Variants in PLXDC2 observed in about 807,000 individuals in gnomAD.
The protein encoded by PLXDC2 is plexin domain-containing protein 2.
In PLXDC2, 40 loss-of-function variants were observed where a neutral mutation model predicts 68.9. The observed-to-expected ratio is 0.58, with a 90% CI of 0.45 to 0.76. The LOEUF is 0.76. PLXDC2 is among the 30% of genes least tolerant of loss of function. PLXDC2 has a pLI of 0.00. For synonymous variants in PLXDC2, 243 were observed against 234.2 expected (o/e 1.04, Z -0.34); for missense variants, 644 against 661.9 (o/e 0.97, Z 0.30).
Position 20,283,444 on chromosome 10 carries a change from C to G in PLXDC2, c.*3625C>G, listed in dbSNP as rs1467395505. 6.6e-6 allele frequency: 1 copy of G among 152,306 alleles called. No individual in the cohort carries two copies. The highest frequency in any genetic ancestry group is 1.5e-5 in the Non-Finnish European group (1 of 68,016). 9.4% of individuals were successfully genotyped at this position (152,306 alleles called of 1,614,324 possible). ...TTGGTCGAGTACCAGCACAAATTTG[C>G]ATTCAAAGGAAGAATAGTTCATCAG... On this transcript the variant is annotated 3_prime_UTR_variant, in exon 14 of 14. Transcript: ENST00000377252.
intron 1 of PLXDC2, among the ~76,000 whole-genome samples, chr10:19,969,410 C>A (rs75765576): frequency 6.6e-6 from 1 of 152,196 alleles, no homozygotes; most frequent in Admixed American, 6.5e-5. Flanking sequence ...CCACCAACCT[C>A]CCCCTCCCCA....
chr10:19,990,580 T>G (rs1430436027), intron 1 of PLXDC2, among the ~76,000 whole-genome samples: 1 of 152,232 alleles, frequency 6.6e-6, no homozygotes, highest in Non-Finnish European at 1.5e-5. Flanking sequence ...TCTATCTCAT[T>G]TTAGTGCTTA....
intron 2 of PLXDC2, among the ~76,000 whole-genome samples, chr10:20,007,108 T>G (rs1208249255): frequency 6.6e-6 from 1 of 152,344 alleles, no homozygotes; most frequent in East Asian, 1.9e-4. Flanking sequence ...TTGGATTCCA[T>G]TCATGATTTG....
intron 3 of PLXDC2, 21 bp downstream of exon 3, chr10:20,047,036 G>C: frequency 1.3e-6 from 2 of 1,555,064 alleles, no homozygotes; most frequent in Non-Finnish European, 1.7e-6. Context: ...GGACATTCAG[G>C]GTTCATTTTA....
intron 1 of PLXDC2, among the ~76,000 whole-genome samples, chr10:19,836,392 G>T (rs908191516): frequency 6.6e-6 from 1 of 152,152 alleles, no homozygotes; most frequent in Non-Finnish European, 1.5e-5. Flanking sequence ...CAACAAAAAT[G>T]ATCACAGCCT....
chr10:19,822,116 A>G (rs1198219393), intron 1 of PLXDC2, among the ~76,000 whole-genome samples: 5 of 151,288 alleles, frequency 3.3e-5, no homozygotes, highest in African/African-American at 9.7e-5. Context: ...TTAAAGCTAA[A>G]TAATATTCCA....
intron 1 of PLXDC2, among the ~76,000 whole-genome samples, chr10:19,820,493 G>T (rs1457937213): frequency 6.6e-6 from 1 of 152,004 alleles, no homozygotes; most frequent in Non-Finnish European, 1.5e-5. Flanking sequence ...AATTAGCCGG[G>T]CGCGGTGGCG....
At chr10:19,839,845 T>G (rs1387868864) in intron 1 of PLXDC2, among the ~76,000 whole-genome samples, 1 of 152,206 alleles carries the variant, frequency 6.6e-6, no homozygotes. Context: ...ACATATGTAT[T>G]AACATCTTAT....
intron 1 of PLXDC2, among the ~76,000 whole-genome samples, chr10:19,992,402 C>T (rs958640025): frequency 1.3e-5 from 2 of 152,250 alleles, no homozygotes; most frequent in South Asian, 4.1e-4. Flanking sequence ...TCATTAAATG[C>T]TCTTTTCCTA....
At chr10:19,951,516 G>C (rs1236124267) in intron 1 of PLXDC2, among the ~76,000 whole-genome samples, 4 of 152,212 alleles carry the variant, frequency 2.6e-5, no homozygotes, top group Non-Finnish European at 5.9e-5. Flanking sequence ...TCGTGGCAAG[G>C]CTGTGGAGAA....
chr10:20,227,986 G>A (rs1030882220), intron 12 of PLXDC2, among the ~76,000 whole-genome samples: 1 of 152,120 alleles, frequency 6.6e-6, no homozygotes, highest in African/African-American at 2.4e-5. Context: ...TTACGTCATA[G>A]GAAAGTGACG....
intron 12 of PLXDC2, among the ~76,000 whole-genome samples, chr10:20,222,080 C>T (rs1156599207): frequency 2.6e-5 from 4 of 152,088 alleles, no homozygotes; most frequent in Non-Finnish European, 5.9e-5. Context: ...ATTGGCTGTT[C>T]TTAAAAGCAT....
At chr10:19,939,858 G>A (rs1052164122) in intron 1 of PLXDC2, among the ~76,000 whole-genome samples, 1 of 149,672 alleles carries the variant, frequency 6.7e-6, no homozygotes, top group African/African-American at 2.6e-5. Flanking sequence ...AAATAGGGAT[G>A]TTTTTGAATT....
At chr10:20,046,339 A>G (rs1277713221) in intron 2 of PLXDC2, among the ~76,000 whole-genome samples, 2 of 152,106 alleles carry the variant, frequency 1.3e-5, no homozygotes, top group Non-Finnish European at 2.9e-5. Flanking sequence ...ACACACACAC[A>G]TAAAATTCAA....
chr10:20,203,970 AATG>A (rs1834956677), intron 9 of PLXDC2, among the ~76,000 whole-genome samples: 1 of 152,158 alleles, frequency 6.6e-6, no homozygotes, highest in Non-Finnish European at 1.5e-5. Context: ...TGCATATTCT[AATG>A]ATGTAAAACT....
intron 4 of PLXDC2, among the ~76,000 whole-genome samples, chr10:20,137,758 G>A (rs1421235212): frequency 6.6e-6 from 1 of 152,226 alleles, no homozygotes; most frequent in Non-Finnish European, 1.5e-5. Context: ...ACTGATTCGT[G>A]GCCAGGGCCG....
chr10:19,861,519 C>T (rs2131335261), intron 1 of PLXDC2, among the ~76,000 whole-genome samples: 1 of 152,306 alleles, frequency 6.6e-6, no homozygotes, highest in African/African-American at 2.4e-5. Flanking sequence ...ATTAGCACAA[C>T]ATTCCAGTAA....
intron 13 of PLXDC2, among the ~76,000 whole-genome samples, chr10:20,269,952 A>G (rs1339016540): frequency 1.3e-5 from 2 of 152,116 alleles, no homozygotes; most frequent in African/African-American, 2.4e-5. Context: ...CAGGAGGTGG[A>G]GGTTGCAGTG....
At position 20,176,990 on chromosome 10, in the gene PLXDC2, T is replaced by C; in HGVS notation, c.884-9T>C. 1.3e-6 allele frequency: 2 copies of C among 1,578,320 alleles called. No homozygotes were observed. Among genetic ancestry groups the C allele is most frequent in the Non-Finnish European group, 1.7e-6 (2 of 1,161,270 alleles). On this transcript the variant is annotated splice_polypyrimidine_tract_variant and intron_variant, in intron 7 of 13. Coordinates refer to ENST00000377252, the MANE Select transcript of PLXDC2 (RefSeq NM_032812.9). ...GTTAAAAATTGATTTTTTTTCCTTT[T>C]TTTTCTAGATGTTCGAAGAAGAACA...
Sources: allele counts gnomAD v4.1 joint callset (sites outside exome capture counted in the v4.1 genomes callset), GRCh38; gene constraint gnomAD v4.1.1; transcripts MANE v1.5; gene names NCBI Gene and HGNC (gene_info 2026-07-23, HGNC 2026-07-21).